Variants in CNTLN observed in about 807,000 individuals in gnomAD.
CNTLN encodes the protein centlein, also known as centlein, centrosomal protein.
A neutral mutation model predicts 180.0 loss-of-function variants in CNTLN; 212 were observed. The ratio of observed to expected loss-of-function variants is 1.18; its 90% CI spans 1.05 to 1.32. The LOEUF is 1.32. Ranked by LOEUF, CNTLN falls within the 40% of genes most tolerant of loss-of-function variation. The pLI is 0.00. For synonymous variants in CNTLN, 722 were observed against 563.1 expected, an observed-to-expected ratio of 1.28 and a Z score of -3.99; for missense variants, 2,095 against 1,610.9, an observed-to-expected ratio of 1.30 and a Z score of -5.14.
intron 2 of CNTLN, among the ~76,000 whole-genome samples, chr9:17,176,682 G>A (rs1000831553): frequency 2.0e-5 from 3 of 152,126 alleles, no homozygotes; most frequent in African/African-American, 4.8e-5. Flanking sequence ...CAAATATTTG[G>A]TGGAATTCTT....
At chr9:17,253,455 GT>G (rs1826279066) in intron 5 of CNTLN, among the ~76,000 whole-genome samples, 1 of 151,258 alleles carries the variant, frequency 6.6e-6, no homozygotes, top group Non-Finnish European at 1.5e-5. Flanking sequence ...TGTTTTGTTT[GT>G]TTGTTTTGTA....
chr9:17,352,133 A>G (rs2133299977), intron 12 of CNTLN, among the ~76,000 whole-genome samples: 1 of 152,194 alleles, frequency 6.6e-6, no homozygotes, highest in Non-Finnish European at 1.5e-5. Flanking sequence ...AAGTAGATAT[A>G]TCTTCTTTAT....
At chr9:17,231,806 C>A (rs936008509) in intron 3 of CNTLN, among the ~76,000 whole-genome samples, 5 of 152,118 alleles carry the variant, frequency 3.3e-5, no homozygotes, top group African/African-American at 1.2e-4. Flanking sequence ...GGGCCTTATG[C>A]CCCTTCCCTA....
chr9:17,399,092 G>C (rs1005861702), intron 15 of CNTLN, among the ~76,000 whole-genome samples: 11 of 152,264 alleles, frequency 7.2e-5, no homozygotes, highest in African/African-American at 2.6e-4. Context: ...TCCTTGGGAC[G>C]CAAGTCCTTT....
At chr9:17,309,331 A>G (rs1818963014) in intron 8 of CNTLN, 79 bp downstream of exon 8, 1 of 1,147,046 alleles carries the variant, frequency 8.7e-7, no homozygotes, top group African/African-American at 1.6e-5. Context: ...AAACATAAAA[A>G]TTTAAATATA....
chr9:17,215,493 G>T (rs1823677458), intron 2 of CNTLN, among the ~76,000 whole-genome samples: 1 of 152,198 alleles, frequency 6.6e-6, no homozygotes, highest in Non-Finnish European at 1.5e-5. Context: ...AGGCTACTCG[G>T]GGGTCAGGGA....
At chr9:17,311,269 C>T (rs1406046268) in intron 8 of CNTLN, among the ~76,000 whole-genome samples, 1 of 151,912 alleles carries the variant, frequency 6.6e-6, no homozygotes, top group Admixed American at 6.5e-5. Flanking sequence ...AGGTGATCCA[C>T]CCGCCGTGGC....
intron 2 of CNTLN, among the ~76,000 whole-genome samples, chr9:17,222,349 G>A (rs923974518): frequency 7.2e-5 from 11 of 152,040 alleles, no homozygotes; most frequent in South Asian, 6.2e-4. Flanking sequence ...TAGGCTCTGC[G>A]TCTCCACCCA....
intron 14 of CNTLN, among the ~76,000 whole-genome samples, chr9:17,390,341 C>T (rs10116140): frequency 0.5 from 73,020 of 147,494 alleles, 19,258 homozygotes; most frequent in Non-Finnish European, 0.59. Flanking sequence ...CAGGTTCAAG[C>T]GATTCTCGTG....
intron 16 of CNTLN, among the ~76,000 whole-genome samples, chr9:17,410,484 G>T (rs1587920685): frequency 6.6e-6 from 1 of 151,984 alleles, no homozygotes; most frequent in African/African-American, 2.4e-5. Flanking sequence ...CTACTCCATG[G>T]TGTGCCTTTT....
intron 23 of CNTLN, among the ~76,000 whole-genome samples, chr9:17,479,859 C>A (rs1371628271): frequency 6.6e-6 from 1 of 151,912 alleles, no homozygotes; most frequent in Non-Finnish European, 1.5e-5. Flanking sequence ...AGAAGACAGA[C>A]TATGATAGAA....
intron 2 of CNTLN, among the ~76,000 whole-genome samples, chr9:17,211,519 G>T (rs1264156217): frequency 6.6e-6 from 1 of 152,158 alleles, no homozygotes; most frequent in Non-Finnish European, 1.5e-5. Flanking sequence ...TTTGGCTTAG[G>T]ATTGTCTTGG....
chr9:17,506,612 G>A (rs2134444409), downstream of CNTLN, among the ~76,000 whole-genome samples: 1 of 152,192 alleles, frequency 6.6e-6, no homozygotes, highest in African/African-American at 2.4e-5. Flanking sequence ...TCCATATTAT[G>A]CAGGATTCTT....
chr9:17,339,058 C>T (rs1214302235), intron 10 of CNTLN, among the ~76,000 whole-genome samples: 1 of 152,102 alleles, frequency 6.6e-6, no homozygotes, highest in Non-Finnish European at 1.5e-5. Context: ...ACTTAGGAAA[C>T]ATTTATTTTG....
At chr9:17,153,640 G>A (rs1199501898) in intron 2 of CNTLN, among the ~76,000 whole-genome samples, 1 of 152,044 alleles carries the variant, frequency 6.6e-6, no homozygotes, top group Non-Finnish European at 1.5e-5. Context: ...TCTTGGGGTT[G>A]CTCTTCTCAA....
At chr9:17,156,214 C>A (rs548107806) in intron 2 of CNTLN, among the ~76,000 whole-genome samples, 7 of 152,106 alleles carry the variant, frequency 4.6e-5, no homozygotes, top group Non-Finnish European at 7.3e-5. Flanking sequence ...TATTGAGTTT[C>A]GTGTTAACAA....
intron 2 of CNTLN, among the ~76,000 whole-genome samples, chr9:17,205,486 C>T (rs1263827143): frequency 6.6e-6 from 1 of 152,166 alleles, no homozygotes; most frequent in East Asian, 1.9e-4. Flanking sequence ...ACCGAACTCA[C>T]CAGACCATGA....
chr9:17,367,283 G>A (rs1439725675), intron 13 of CNTLN, among the ~76,000 whole-genome samples: 1 of 152,194 alleles, frequency 6.6e-6, no homozygotes, highest in African/African-American at 2.4e-5. Context: ...TCTCATGCCT[G>A]CCCACAGAAA....
Position 17,454,227 on chromosome 9 carries a change from A to ATTATT in CNTLN, c.3115-3296_3115-3292dup, listed in dbSNP as rs572628306. ...CTTCCTCAATGTTAAATTTAAATAA[A>ATTATT]TTATTAATAGATAGTGTCTAGTTTA... On this transcript the variant is annotated intron_variant, in intron 18 of 25. Transcript: ENST00000380647. Among the ~76,000 whole-genome samples, 477 of 152,318 alleles carry ATTATT rather than the reference A, an allele frequency of 3.1e-3. 6 individuals are homozygous for ATTATT. Among genetic ancestry groups the ATTATT allele is most frequent in the African/African-American group, 0.011 (456 of 41,576 alleles).
Sources: gnomAD v4.1 joint callset for allele counts (sites outside exome capture counted in the v4.1 genomes callset) on GRCh38, gnomAD v4.1.1 for gene constraint, MANE v1.5 for transcripts, NCBI Gene and HGNC (gene_info 2026-07-23, HGNC 2026-07-21) for gene names.